DSCAM: variants seen among roughly 807,000 people sequenced by gnomAD.
DSCAM encodes the protein DS cell adhesion molecule, also known as cell adhesion molecule DSCAM.
DSCAM carries 47 observed loss-of-function variants against 217.7 expected under a neutral mutation model. The observed-to-expected ratio is 0.22, with a 90% CI of 0.17 to 0.28. DSCAM has a LOEUF of 0.28. DSCAM is among the 10% of genes least tolerant of loss of function. The pLI is 1.00. For synonymous variants in DSCAM, 1,056 were observed against 1,015.3 expected, an observed-to-expected ratio of 1.04 and a Z score of -0.76; for missense variants, 2,080 against 2,618.3, an observed-to-expected ratio of 0.79 and a Z score of 4.49.
rs1569055739 is a variant in DSCAM, at chr21:40,825,318, T to TCCTTTTTTTCTTCCTTTC, written c.43+21300_43+21301insGAAAGGAAGAAAAAAAGG. On this transcript the variant is annotated intron_variant, in intron 1 of 32. Coordinates refer to ENST00000400454, the MANE Select transcript of DSCAM (RefSeq NM_001389.5). ...CCTTCCTTCCTTCCTTCCTTCCTTTTTTTCTTCCTTTCTTTCTGAGATGGA... is the reference window on the plus strand; with the variant it reads ...CCTTCCTTCCTTCCTTCCTTCCTTTTCCTTTTTTTCTTCCTTTCTTTCTTCCTTTCTTTCTGAGATGGA... Among the ~76,000 whole-genome samples, 619 of 134,662 alleles carry TCCTTTTTTTCTTCCTTTC rather than the reference T, an allele frequency of 4.6e-3. 6 individuals carry two copies. Among genetic ancestry groups the TCCTTTTTTTCTTCCTTTC allele is most frequent in the African/African-American group, 0.017 (590 of 35,138 alleles). The allele number at this position is 134,662 out of a possible 152,430, so 88.3% of individuals were successfully genotyped here.
chr21:40,246,497 C>T lies in DSCAM; in HGVS notation c.2356+29600G>A, dbSNP rs191926550. Among the ~76,000 whole-genome samples, 204 of 149,980 alleles carry T rather than the reference C, an allele frequency of 1.4e-3. 1 individual carries two copies. Among genetic ancestry groups the T allele is most frequent in the Non-Finnish European group, 2.1e-3 (142 of 67,726 alleles). On this transcript the variant is annotated intron_variant, in intron 11 of 32. Transcript: ENST00000400454. ...TGGAGGCTGCACTGAGCTGAGATCT[C>T]GCCACTGCACTCCAGCCTGGGCAAC...
At chr21:40,437,338 G>C (rs2075592090) in intron 3 of DSCAM, among the ~76,000 whole-genome samples, 1 of 152,206 alleles carries the variant, frequency 6.6e-6, no homozygotes, top group Admixed American at 6.5e-5. Context: ...CCACCAAGGT[G>C]TCCACAGAGT....
At chr21:40,542,588 C>G (rs1294820606) in intron 3 of DSCAM, among the ~76,000 whole-genome samples, 1 of 152,204 alleles carries the variant, frequency 6.6e-6, no homozygotes, top group Non-Finnish European at 1.5e-5. Context: ...TCTCTGCCAT[C>G]TGAGGAGTCA....
intron 17 of DSCAM, among the ~76,000 whole-genome samples, chr21:40,142,946 T>A (rs1169572136): frequency 6.6e-6 from 1 of 152,210 alleles, no homozygotes; most frequent in African/African-American, 2.4e-5. Flanking sequence ...TCTTTCCAAC[T>A]TAGTTTCTTT....
intron 1 of DSCAM, among the ~76,000 whole-genome samples, chr21:40,826,724 T>A (rs1036748834): frequency 6.6e-6 from 1 of 152,212 alleles, no homozygotes; most frequent in Non-Finnish European, 1.5e-5. Flanking sequence ...GGACGAGCGA[T>A]GCTCAGTTTG....
chr21:40,069,822 T>A (rs750274566), intron 27 of DSCAM, among the ~76,000 whole-genome samples: 68 of 152,278 alleles, frequency 4.5e-4, no homozygotes, highest in Middle Eastern at 3.4e-3. Flanking sequence ...AGATCCCAAA[T>A]AGGACTTCCA....
chr21:40,033,398 A>C (rs2088568454), intron 32 of DSCAM, among the ~76,000 whole-genome samples: 1 of 152,160 alleles, frequency 6.6e-6, no homozygotes, highest in African/African-American at 2.4e-5. Context: ...TTTCCTAGTC[A>C]AAGAAAGGGG....
At chr21:40,305,777 C>T (rs1221858443) in intron 9 of DSCAM, among the ~76,000 whole-genome samples, 1 of 152,132 alleles carries the variant, frequency 6.6e-6, no homozygotes, top group African/African-American at 2.4e-5. Flanking sequence ...TTTCTGAGGG[C>T]TCTGTTCTGT....
At chr21:40,432,947 C>T (rs995188963) in intron 3 of DSCAM, among the ~76,000 whole-genome samples, 1 of 152,126 alleles carries the variant, frequency 6.6e-6, no homozygotes, top group Non-Finnish European at 1.5e-5. Flanking sequence ...GTTTGTTCTT[C>T]TTTCCCAGCT....
intron 11 of DSCAM, among the ~76,000 whole-genome samples, chr21:40,217,464 G>A (rs2091253852): frequency 1.3e-5 from 2 of 151,954 alleles, no homozygotes; most frequent in Admixed American, 6.6e-5. Context: ...TAGTTACATA[G>A]GTAAACTTGT....
At chr21:40,373,464 G>C (rs1486780795) in intron 3 of DSCAM, among the ~76,000 whole-genome samples, 1 of 152,138 alleles carries the variant, frequency 6.6e-6, no homozygotes. Flanking sequence ...CCAAGAAGTT[G>C]AGGAAAAAGG....
At chr21:40,251,199 G>A (rs181750648) in intron 11 of DSCAM, among the ~76,000 whole-genome samples, 1 of 152,374 alleles carries the variant, frequency 6.6e-6, no homozygotes, top group East Asian at 1.9e-4. Context: ...CCATGTGATA[G>A]AGAGTGCAGA....
At chr21:40,561,412 G>A (rs765547067) in intron 3 of DSCAM, among the ~76,000 whole-genome samples, 9 of 152,076 alleles carry the variant, frequency 5.9e-5, no homozygotes, top group Non-Finnish European at 8.8e-5. Context: ...TTTTCTCACC[G>A]GCAGAAAGTT....
At chr21:40,810,145 AG>A (rs1301838517) in intron 1 of DSCAM, among the ~76,000 whole-genome samples, 1 of 152,190 alleles carries the variant, frequency 6.6e-6, no homozygotes, top group African/African-American at 2.4e-5. Flanking sequence ...TTTTCCTTGT[AG>A]TCTAAATGTT....
chr21:40,329,378 G>A (rs562508985), intron 8 of DSCAM, among the ~76,000 whole-genome samples: 46 of 152,138 alleles, frequency 3.0e-4, no homozygotes, highest in Non-Finnish European at 6.0e-4. Context: ...CACTTTGGGA[G>A]GCCGAGGCAG....
chr21:40,322,649 C>G (rs1030618861), intron 8 of DSCAM, among the ~76,000 whole-genome samples: 1 of 151,888 alleles, frequency 6.6e-6, no homozygotes, highest in African/African-American at 2.4e-5. Context: ...CTCAGACTCC[C>G]GAGTAGCTGG....
chr21:40,580,952 G>T (rs57467863), intron 3 of DSCAM, among the ~76,000 whole-genome samples: 111 of 152,282 alleles, frequency 7.3e-4, no homozygotes, highest in Non-Finnish European at 1.3e-3. Flanking sequence ...TTTAAGAAGC[G>T]AGAAGAATGC....
At position 40,085,762 on chromosome 21, in the gene DSCAM, G is replaced by A. The variant is rs199897661; in HGVS notation, c.3972C>T (p.Asn1324=). Residue 1324 remains asparagine, a synonymous_variant, in exon 23 of 33, where the codon AAC becomes AAT. Transcript: ENST00000400454. ...SPAVKWMKDS[N]GTPSLVTIDG... is the part of the protein sequence containing the mutation. Reference sequence around the variant, plus strand: ...CAATCGTTACTAGACTGGGTGTCCCGTTACTGCCTCACAGGAAGAAAAATG... The same window carrying A: ...CAATCGTTACTAGACTGGGTGTCCCATTACTGCCTCACAGGAAGAAAAATG... 125 of 1,495,800 alleles carry A rather than the reference G, an allele frequency of 8.4e-5. No individual in the cohort carries two copies. Among genetic ancestry groups the A allele is most frequent in the Non-Finnish European group, 1.1e-4 (121 of 1,105,542 alleles). The allele number at this position is 1,495,800 out of a possible 1,614,324, so 92.7% of individuals were successfully genotyped here.
intron 14 of DSCAM, among the ~76,000 whole-genome samples, chr21:40,180,529 A>T (rs536153699): frequency 6.6e-6 from 1 of 152,320 alleles, no homozygotes; most frequent in South Asian, 2.1e-4. Context: ...AGGAAATTTT[A>T]TATCAATGAA....
Sources: allele counts gnomAD v4.1 joint callset (sites outside exome capture counted in the v4.1 genomes callset), GRCh38; gene constraint gnomAD v4.1.1; transcripts MANE v1.5; gene names NCBI Gene and HGNC (gene_info 2026-07-23, HGNC 2026-07-21).